PCGF3: variants seen among roughly 807,000 people sequenced by gnomAD.
The protein encoded by PCGF3 is polycomb group RING finger protein 3.
PCGF3 carries 7 observed loss-of-function variants against 33.1 expected under a neutral mutation model. The observed-to-expected ratio is 0.21, with a 90% confidence interval of 0.12 to 0.40. The LOEUF (loss-of-function observed/expected upper bound fraction) is 0.40. Among genes scored for constraint, PCGF3 ranks in the 10% least tolerant of loss-of-function variants. The probability of loss-of-function intolerance (pLI) is 1.00; values close to 1 mark genes in which losing one functional copy is unlikely to be tolerated. For synonymous variants in PCGF3, 153 were observed against 121.3 expected, an observed-to-expected ratio of 1.26 and a Z score of -1.72; for missense variants, 211 against 313.3, an observed-to-expected ratio of 0.67 and a Z score of 2.46.
chr4:755,497 C>G (rs932065180), intron 8 of PCGF3, among the ~76,000 whole-genome samples: 1 of 152,308 alleles, frequency 6.6e-6, no homozygotes, highest in South Asian at 2.1e-4. Flanking sequence ...TTTCCTTCTG[C>G]GGCTGTCGGC....
chr4:760,804 C>A lies in PCGF3; in HGVS notation c.463-475C>A, dbSNP rs755594226. On this transcript the variant is annotated intron_variant, in intron 8 of 10. Transcript: ENST00000362003. Reference sequence around the variant, plus strand: ...CCCTTAACAGTCACTTTTTATCCTGCGGCCAAACTGCTGGTCACCTGGAAG... The same window carrying A: ...CCCTTAACAGTCACTTTTTATCCTGAGGCCAAACTGCTGGTCACCTGGAAG... 9.8e-5 allele frequency among the ~76,000 whole-genome samples: 15 copies of A among 152,358 alleles called. 2 individuals carry two copies. The highest frequency in any genetic ancestry group is 1.9e-4 in the East Asian group (1 of 5,194).
chr4:753,832 C>T (rs1346911152), intron 8 of PCGF3, among the ~76,000 whole-genome samples: 2 of 151,998 alleles, frequency 1.3e-5, no homozygotes, highest in Non-Finnish European at 2.9e-5. Context: ...CCTGTAATCC[C>T]AGCTACTCGG....
intron 1 of PCGF3, among the ~76,000 whole-genome samples, chr4:726,732 T>C (rs1398767239): frequency 1.3e-5 from 2 of 152,186 alleles, no homozygotes; most frequent in African/African-American, 2.4e-5. Flanking sequence ...TTTGGCTTTT[T>C]TTTTTCTAAT....
exon 11 of PCGF3, chr4:769,397 T>TCC (rs1745522954): frequency 1.3e-5 from 2 of 152,704 alleles, no homozygotes; most frequent in South Asian, 4.1e-4. Flanking sequence ...ACATGGAAAA[T>TCC]AAGTTTAGTG....
chr4:764,396 CT>C (rs1457656747), intron 9 of PCGF3: 1 of 150,906 alleles, frequency 6.6e-6, no homozygotes, highest in Non-Finnish European at 1.5e-5. Flanking sequence ...GAGGGTGCCC[CT>C]GGAGGCTGCA....
exon 11 of PCGF3, chr4:766,107 G>A (rs761034482): frequency 9.9e-6 from 16 of 1,610,088 alleles, no homozygotes; most frequent in Middle Eastern, 1.6e-4. Context: ...CCACAGACTG[G>A]GCCCTCGCAC....
intron 1 of PCGF3, among the ~76,000 whole-genome samples, chr4:709,560 T>C (rs1742477225): frequency 6.6e-6 from 1 of 152,034 alleles, no homozygotes; most frequent in Non-Finnish European, 1.5e-5. Flanking sequence ...CAAGAGTGAG[T>C]GATGCATGAA....
intron 10 of PCGF3, 102 bp from the exon 11 acceptor site, chr4:765,930 G>A (rs542938174): frequency 1.3e-5 from 13 of 1,006,614 alleles, no homozygotes; most frequent in Admixed American, 1.2e-4. Context: ...CATGTGGACT[G>A]TGCCTCACGG....
exon 5 of PCGF3, chr4:734,953 G>A: frequency 6.2e-7 from 1 of 1,613,792 alleles, no homozygotes; most frequent in Non-Finnish European, 8.5e-7. Flanking sequence ...GCCTGGTGAA[G>A]TACCTGGAGG....
chr4:765,073 CGT>C lies in PCGF3; in HGVS notation c.681+11_681+12del. 6.3e-7 allele frequency: 1 copy of C among 1,595,732 alleles called. No individual in the cohort carries two copies. The highest frequency in any genetic ancestry group is 1.1e-5 in the South Asian group (1 of 90,664). On this transcript the variant is annotated intron_variant, in intron 10 of 10. Transcript: ENST00000362003. ...CTAGGTGGAGATTCAAGGTGAGACA[CGT>C]GATTTGATTTTCAGAGTCTGCTCTG... is the stretch of plus-strand genomic sequence containing the variant.
chr4:752,286 T>C (rs1388953041), intron 8 of PCGF3, among the ~76,000 whole-genome samples: 1 of 152,246 alleles, frequency 6.6e-6, no homozygotes, highest in Non-Finnish European at 1.5e-5. Context: ...CTTCTCTGTG[T>C]GACCCCATTC....
chr4:742,739 C>T (rs573876303), intron 6 of PCGF3, among the ~76,000 whole-genome samples: 113 of 152,326 alleles, frequency 7.4e-4, no homozygotes, highest in African/African-American at 2.5e-3. Flanking sequence ...GAGGATGCTG[C>T]GGCCCGTCTG....
chr4:768,223 C>A (rs1412179706), exon 11 of PCGF3: 1 of 152,696 alleles, frequency 6.5e-6, no homozygotes, highest in Non-Finnish European at 1.5e-5. Context: ...ACCTCAGCAG[C>A]AGAAGTCCCT....
chr4:733,352 G>A (rs1293073581), intron 3 of PCGF3, among the ~76,000 whole-genome samples: 1 of 152,228 alleles, frequency 6.6e-6, no homozygotes, highest in Non-Finnish European at 1.5e-5. Context: ...ACAGCTCGGG[G>A]ATCCTGCCTC....
exon 8 of PCGF3, chr4:744,639 C>T (rs1321433235): frequency 6.4e-7 from 1 of 1,562,036 alleles, no homozygotes; most frequent in East Asian, 2.4e-5. Context: ...AAAGAGGCCG[C>T]GGAGGAGAAG....
chr4:732,798 C>T (rs1223684751), intron 3 of PCGF3, among the ~76,000 whole-genome samples: 3 of 152,358 alleles, frequency 2.0e-5, no homozygotes, highest in South Asian at 2.1e-4. Flanking sequence ...GGAGCGAAGT[C>T]CCAGTAGTGG....
chr4:747,839 C>T (rs1376013438), intron 8 of PCGF3, among the ~76,000 whole-genome samples: 1 of 152,074 alleles, frequency 6.6e-6, no homozygotes, highest in African/African-American at 2.4e-5. Context: ...ACAGCCAGCA[C>T]CCAAGGGCTG....
At chr4:707,479 T>C (rs1484238958) in intron 1 of PCGF3, among the ~76,000 whole-genome samples, 5 of 149,286 alleles carry the variant, frequency 3.3e-5, no homozygotes, top group African/African-American at 1.2e-4. Flanking sequence ...TGTTTTCCCC[T>C]GGGGGCCGGG....
At position 712,544 on chromosome 4, in the gene PCGF3, T is replaced by C. The variant is rs552103005; in HGVS notation, c.-190+6574T>C. 9.8e-4 allele frequency among the ~76,000 whole-genome samples: 149 copies of C among 152,370 alleles called. 1 individual carries two copies. The highest frequency in any genetic ancestry group is 3.3e-3 in the South Asian group (16 of 4,830). The stretch of plus-strand genomic sequence containing the variant: ...CTCACTGCAACCTCCGCCTCCTGGT[T>C]CAAGTGATTCTCCTGCCTCAGCTCC... On this transcript the variant is annotated intron_variant, in intron 1 of 10. Transcript: ENST00000362003.
Sources: allele counts gnomAD v4.1 joint callset (sites outside exome capture counted in the v4.1 genomes callset), GRCh38; gene constraint gnomAD v4.1.1; transcripts MANE v1.5; gene names NCBI Gene and HGNC (gene_info 2026-07-23, HGNC 2026-07-21).